Variants in BTRC observed in about 807,000 individuals in gnomAD.
BTRC encodes the protein beta-transducin repeat containing E3 ubiquitin protein ligase, also known as F-box/WD repeat-containing protein 1A.
Under a neutral mutation model 85.5 loss-of-function variants are expected in BTRC, and 42 were observed. That is an observed-to-expected ratio of 0.49 (90% CI 0.38 to 0.64). The LOEUF (loss-of-function observed/expected upper bound fraction) is 0.64. Ranked by LOEUF, BTRC falls within the 30% of genes least tolerant of loss-of-function variation. The pLI is 0.00. For synonymous variants in BTRC, 255 were observed against 263.3 expected (o/e 0.97, Z 0.30); for missense variants, 594 against 743.5 (o/e 0.80, Z 2.34).
At chr10:101,519,278 C>T (rs1405449333) in intron 4 of BTRC, among the ~76,000 whole-genome samples, 2 of 152,010 alleles carry the variant, frequency 1.3e-5, no homozygotes, top group Non-Finnish European at 2.9e-5. Flanking sequence ...TAGGGTTTCA[C>T]GATGTTGGCC....
At chr10:101,532,893 C>A in intron 8 of BTRC, 59 bp from the exon 9 acceptor site, 1 of 1,335,062 alleles carries the variant, frequency 7.5e-7, no homozygotes, top group Non-Finnish European at 1.1e-6. Flanking sequence ...ATAGGACCAA[C>A]AAGTCTCCAC....
At chr10:101,523,678 A>C (rs2062152205) in intron 5 of BTRC, among the ~76,000 whole-genome samples, 1 of 152,194 alleles carries the variant, frequency 6.6e-6, no homozygotes. Flanking sequence ...TGTTTTCTCT[A>C]CGTATGTGTA....
chr10:101,491,378 C>T (rs1162177799), intron 4 of BTRC, among the ~76,000 whole-genome samples: 1 of 152,098 alleles, frequency 6.6e-6, no homozygotes, highest in Non-Finnish European at 1.5e-5. Flanking sequence ...CCCACTTAAA[C>T]TTGGTTATTA....
At chr10:101,546,550 TGC>T (rs1180413075) in intron 13 of BTRC, among the ~76,000 whole-genome samples, 7 of 152,196 alleles carry the variant, frequency 4.6e-5, no homozygotes, top group South Asian at 2.1e-4. Context: ...GTGAAAGCAG[TGC>T]TTAGAGGGAA....
At chr10:101,357,365 C>T (rs1477161071) in intron 1 of BTRC, among the ~76,000 whole-genome samples, 3 of 145,506 alleles carry the variant, frequency 2.1e-5, no homozygotes, top group African/African-American at 7.6e-5. Context: ...CACTTGAACC[C>T]AGGAGGTGGA....
At chr10:101,546,053 A>G (rs2062553297) in intron 13 of BTRC, among the ~76,000 whole-genome samples, 1 of 152,244 alleles carries the variant, frequency 6.6e-6, no homozygotes, top group Admixed American at 6.5e-5. Flanking sequence ...CCTATCAGTA[A>G]TGGACAGATC....
intron 14 of BTRC, among the ~76,000 whole-genome samples, chr10:101,552,323 G>A (rs1022816848): frequency 2.0e-5 from 3 of 150,690 alleles, no homozygotes; most frequent in East Asian, 1.9e-4. Flanking sequence ...TGAGTACCGC[G>A]GGCACACAAC....
chr10:101,473,052 G>T (rs963649725), intron 3 of BTRC, among the ~76,000 whole-genome samples: 1 of 151,780 alleles, frequency 6.6e-6, no homozygotes, highest in Middle Eastern at 3.4e-3. Flanking sequence ...TTGCTGTACC[G>T]TTCTCTTCTC....
chr10:101,509,763 T>C (rs755696736), intron 4 of BTRC, among the ~76,000 whole-genome samples: 1 of 147,022 alleles, frequency 6.8e-6, no homozygotes, highest in Non-Finnish European at 1.5e-5. Context: ...AGTCTCACTA[T>C]GCTGCCAAAG....
intron 1 of BTRC, among the ~76,000 whole-genome samples, chr10:101,360,916 C>T (rs1216283466): frequency 1.3e-5 from 2 of 152,140 alleles, no homozygotes; most frequent in African/African-American, 4.8e-5. Context: ...AGCAATGCCT[C>T]TGCCTCAGCC....
At chr10:101,450,132 G>A (rs1944923779) in intron 2 of BTRC, among the ~76,000 whole-genome samples, 2 of 151,144 alleles carry the variant, frequency 1.3e-5, no homozygotes, top group South Asian at 2.1e-4. Flanking sequence ...GAGCATATTA[G>A]CATAATTACA....
chr10:101,508,044 G>A (rs1474445811), intron 4 of BTRC, among the ~76,000 whole-genome samples: 1 of 152,176 alleles, frequency 6.6e-6, no homozygotes, highest in African/African-American at 2.4e-5. Flanking sequence ...GGCCAATAAA[G>A]AAGCTTGAGT....
chr10:101,386,076 C>T (rs1489491726), intron 1 of BTRC, among the ~76,000 whole-genome samples: 1 of 152,126 alleles, frequency 6.6e-6, no homozygotes, highest in African/African-American at 2.4e-5. Context: ...ATCCTGTTCT[C>T]ATTCCCCTAG....
At chr10:101,540,702 G>T (rs1286151837) in intron 13 of BTRC, among the ~76,000 whole-genome samples, 3 of 152,046 alleles carry the variant, frequency 2.0e-5, no homozygotes, top group Non-Finnish European at 4.4e-5. Flanking sequence ...TCAGTGTGTT[G>T]CCCAGACTGG....
intron 1 of BTRC, among the ~76,000 whole-genome samples, chr10:101,366,878 T>A (rs12218008): frequency 1.9e-4 from 3 of 15,910 alleles, no homozygotes; most frequent in South Asian, 1.7e-3. Context: ...TAATATATAT[T>A]TATATATATT....
At chr10:101,445,906 A>G (rs1944810711) in intron 2 of BTRC, among the ~76,000 whole-genome samples, 1 of 152,164 alleles carries the variant, frequency 6.6e-6, no homozygotes, top group Non-Finnish European at 1.5e-5. Flanking sequence ...TAACCCAGCA[A>G]TGGGCTGCGT....
chr10:101,354,066 G>A (rs1392238697), upstream of BTRC: 4 of 1,273,492 alleles, frequency 3.1e-6, no homozygotes, highest in East Asian at 2.6e-5. Flanking sequence ...GCGCCTGAGA[G>A]GTAAGAGAGG....
intron 4 of BTRC, among the ~76,000 whole-genome samples, chr10:101,509,458 T>G (rs1288220054): frequency 1.3e-5 from 2 of 148,824 alleles, no homozygotes; most frequent in South Asian, 2.1e-4. Context: ...GTTTCACCGT[T>G]TTAGCCGGGA....
At chr10:101,428,906 T>G (rs1944328560) in intron 1 of BTRC, among the ~76,000 whole-genome samples, 1 of 152,300 alleles carries the variant, frequency 6.6e-6, no homozygotes, top group East Asian at 1.9e-4. Context: ...GCTCAAGCGA[T>G]CCACCCATCT....
Sources: allele counts gnomAD v4.1 joint callset (sites outside exome capture counted in the v4.1 genomes callset), GRCh38; gene constraint gnomAD v4.1.1; transcripts MANE v1.5; gene names NCBI Gene and HGNC (gene_info 2026-07-23, HGNC 2026-07-21).